GPC5: variants seen among roughly 807,000 people sequenced by gnomAD.
GPC5 encodes the protein glypican 5, also known as glypican-5.
A neutral mutation model predicts 53.9 loss-of-function variants in GPC5; 47 were observed. The ratio of observed to expected loss-of-function variants is 0.87; its 90% CI spans 0.69 to 1.11. The LOEUF (loss-of-function observed/expected upper bound fraction) is 1.11, where lower values mean the gene tolerates loss of function less well. GPC5 is among the 50% of genes most tolerant of loss of function. The probability of loss-of-function intolerance (pLI) is 0.00; values close to 1 mark genes in which losing one functional copy is unlikely to be tolerated. For synonymous variants in GPC5, 286 were observed against 263.3 expected (o/e 1.09, Z -0.84); for missense variants, 748 against 713.1 (o/e 1.05, Z -0.56).
chr13:92,613,146 G>T (rs1884494823), intron 7 of GPC5, among the ~76,000 whole-genome samples: 1 of 147,158 alleles, frequency 6.8e-6, no homozygotes, highest in African/African-American at 2.5e-5. Flanking sequence ...AAAATGATTA[G>T]GTTTGCAATG....
chr13:92,437,397 T>C (rs144407286), intron 7 of GPC5, among the ~76,000 whole-genome samples: 11 of 152,256 alleles, frequency 7.2e-5, no homozygotes, highest in African/African-American at 1.4e-4. Flanking sequence ...GGCCTAGAGA[T>C]ACTGCTTCAA....
chr13:92,700,691 C>CCAT (rs1433438643), intron 7 of GPC5, among the ~76,000 whole-genome samples: 1 of 152,054 alleles, frequency 6.6e-6, no homozygotes, highest in East Asian at 1.9e-4. Flanking sequence ...TTATGTTGAA[C>CCAT]CATCTATTTA....
chr13:92,247,188 G>C (rs565636965), intron 7 of GPC5, among the ~76,000 whole-genome samples: 1 of 152,242 alleles, frequency 6.6e-6, no homozygotes, highest in South Asian at 2.1e-4. Flanking sequence ...GATGACTGCA[G>C]AGTTATGAAT....
At chr13:91,580,629 C>CA (rs2032325469) in intron 2 of GPC5, among the ~76,000 whole-genome samples, 1 of 152,140 alleles carries the variant, frequency 6.6e-6, no homozygotes, top group Admixed American at 6.6e-5. Flanking sequence ...GACATAGAAA[C>CA]ACCTTTGGAA....
At chr13:91,547,271 G>C (rs1489257767) in intron 2 of GPC5, among the ~76,000 whole-genome samples, 1 of 152,148 alleles carries the variant, frequency 6.6e-6, no homozygotes, top group East Asian at 1.9e-4. Flanking sequence ...GTGTATTACT[G>C]TCTAAGAGAA....
At chr13:92,114,730 G>T (rs190234844) in intron 6 of GPC5, among the ~76,000 whole-genome samples, 1 of 152,110 alleles carries the variant, frequency 6.6e-6, no homozygotes, top group Non-Finnish European at 1.5e-5. Context: ...TAGATATAAA[G>T]ATAGCCTTCC....
chr13:92,560,463 A>G (rs1415696409), intron 7 of GPC5, among the ~76,000 whole-genome samples: 1 of 152,014 alleles, frequency 6.6e-6, no homozygotes, highest in East Asian at 1.9e-4. Context: ...AAGTCTCTGA[A>G]TGGGCTGCAG....
intron 7 of GPC5, among the ~76,000 whole-genome samples, chr13:92,865,236 C>CT (rs980662147): frequency 2.6e-5 from 4 of 151,846 alleles, no homozygotes; most frequent in South Asian, 2.1e-4. Context: ...ACTTTGCCCG[C>CT]TTTTTTTTAA....
chr13:92,555,629 G>T (rs966567153), intron 7 of GPC5, among the ~76,000 whole-genome samples: 9 of 149,884 alleles, frequency 6.0e-5, no homozygotes, highest in African/African-American at 1.7e-4. Flanking sequence ...TAAAGTAAAT[G>T]CATGTAATTT....
At chr13:92,404,934 T>C (rs1875727802) in intron 7 of GPC5, among the ~76,000 whole-genome samples, 1 of 150,342 alleles carries the variant, frequency 6.7e-6, no homozygotes, top group Non-Finnish European at 1.5e-5. Flanking sequence ...CAATAGGTTC[T>C]TGGAAACTGG....
chr13:91,788,827 G>T lies in GPC5; in HGVS notation c.1280+32407G>T, dbSNP rs80129226. On this transcript the variant is annotated intron_variant, in intron 5 of 7. Transcript: ENST00000377067. ...TTAAATATTCAAAACAATACATTTG[G>T]GGGGAATAAAAGGAAACTTTGTGTT... Among the ~76,000 whole-genome samples the T allele has an allele frequency of 3.1e-4, 47 of 152,266 alleles. No homozygotes were observed. The East Asian group carries it at 8.5e-3, about 27-fold the overall frequency.
intron 5 of GPC5, among the ~76,000 whole-genome samples, chr13:91,880,253 G>GT (rs1425071264): frequency 6.6e-6 from 1 of 151,754 alleles, no homozygotes; most frequent in Non-Finnish European, 1.5e-5. Context: ...CTAAGATAGT[G>GT]TTTTTTGTCT....
chr13:91,804,900 C>T (rs1209143459), intron 5 of GPC5, among the ~76,000 whole-genome samples: 1 of 152,182 alleles, frequency 6.6e-6, no homozygotes, highest in Non-Finnish European at 1.5e-5. Context: ...ACCTGGCAGG[C>T]CAGGTTGACA....
chr13:92,839,232 G>C (rs1878336433), intron 7 of GPC5, among the ~76,000 whole-genome samples: 1 of 152,140 alleles, frequency 6.6e-6, no homozygotes, highest in South Asian at 2.1e-4. Flanking sequence ...TATATTTAAA[G>C]TGCATTCCTG....
At position 92,753,706 on chromosome 13, in the gene GPC5, G is replaced by A. The variant is rs571457896; in HGVS notation, c.1562-112576G>A. 2.0e-4 allele frequency among the ~76,000 whole-genome samples: 30 copies of A among 152,180 alleles called. No individual in the cohort carries two copies. The East Asian group carries it at 3.7e-3, about 19-fold the overall frequency. On this transcript the variant is annotated intron_variant, in intron 7 of 7. Coordinates refer to ENST00000377067, the MANE Select transcript of GPC5 (RefSeq NM_004466.6). ...ATGCAGAAACCTCAGGAGCCGATGC[G>A]ATCAACTGGAAGAAAGGTATCAGCA...
intron 2 of GPC5, among the ~76,000 whole-genome samples, chr13:91,671,080 T>C (rs2035232845): frequency 6.6e-6 from 1 of 152,186 alleles, no homozygotes; most frequent in African/African-American, 2.4e-5. Context: ...CTTTGATGTG[T>C]AGGCATAATT....
chr13:92,214,572 C>G (rs1455216081), intron 7 of GPC5, among the ~76,000 whole-genome samples: 1 of 152,150 alleles, frequency 6.6e-6, no homozygotes, highest in Non-Finnish European at 1.5e-5. Context: ...ATAATACCCT[C>G]TAGAATTTGT....
intron 7 of GPC5, among the ~76,000 whole-genome samples, chr13:92,791,906 A>C (rs2138775707): frequency 6.6e-6 from 1 of 152,248 alleles, no homozygotes; most frequent in African/African-American, 2.4e-5. Flanking sequence ...TAGTGGCATT[A>C]ATTAGATGAC....
At chr13:91,972,159 G>T (rs1384795590) in intron 6 of GPC5, among the ~76,000 whole-genome samples, 3 of 151,362 alleles carry the variant, frequency 2.0e-5, no homozygotes, top group Non-Finnish European at 2.9e-5. Context: ...CCTGTATTGG[G>T]TGCATATATA....
Sources: allele counts gnomAD v4.1 joint callset (sites outside exome capture counted in the v4.1 genomes callset), GRCh38; gene constraint gnomAD v4.1.1; transcripts MANE v1.5; gene names NCBI Gene and HGNC (gene_info 2026-07-23, HGNC 2026-07-21).